Variants in SLC29A4 observed in about 807,000 individuals in gnomAD.
SLC29A4 encodes solute carrier family 29 member 4.
Under a neutral mutation model 43.9 loss-of-function variants are expected in SLC29A4, and 36 were observed. That is an observed-to-expected ratio of 0.82 (90% CI 0.63 to 1.08). The LOEUF (loss-of-function observed/expected upper bound fraction) is 1.08. Among genes scored for constraint, SLC29A4 ranks in the 50% least tolerant of loss-of-function variants. The pLI, the probability that SLC29A4 is intolerant of heterozygous loss-of-function variation, is 0.00. For synonymous variants in SLC29A4, 491 were observed against 338.0 expected (o/e 1.45, Z -4.97); for missense variants, 869 against 755.3 (o/e 1.15, Z -1.77).
At chr7:5,302,561 G>A (rs189890382) in intron 10 of SLC29A4, among the ~76,000 whole-genome samples, 22 of 152,124 alleles carry the variant, frequency 1.4e-4, no homozygotes, top group Non-Finnish European at 2.5e-4. Context: ...AAAAATGGGG[G>A]CTTGGGGGAC....
chr7:5,299,941 A>C (rs1786017649), intron 9 of SLC29A4, among the ~76,000 whole-genome samples: 2 of 152,224 alleles, frequency 1.3e-5, no homozygotes, highest in South Asian at 4.1e-4. Context: ...AATCGCAGCT[A>C]CTTGGGAAGC....
intron 2 of SLC29A4, among the ~76,000 whole-genome samples, chr7:5,288,582 G>A (rs767366697): frequency 1.3e-4 from 20 of 152,052 alleles, no homozygotes; most frequent in Non-Finnish European, 2.5e-4. Flanking sequence ...TTGAGCCACC[G>A]CGCCCGTCCG....
chr7:5,291,149 C>T lies in SLC29A4; in HGVS notation c.327C>T (p.Ser109=). Residue 109 remains serine (S), a synonymous_variant, in exon 4 of 11, where the codon AGC becomes AGT. Transcript: ENST00000396872. ...YPGTSIVFDM[S]LTYILVALAA... is the part of the protein sequence containing the mutation. ...GGACCTCCATCGTGTTTGACATGAG[C>T]CTCACCTACATCTTGGTGGCACTGG... The T allele has an allele frequency of 1.2e-6, 2 of 1,613,930 alleles. No individual in the cohort carries two copies. Among genetic ancestry groups the T allele is most frequent in the Non-Finnish European group, 1.7e-6 (2 of 1,180,028 alleles).
At chr7:5,283,638 G>C (rs1784789768) in intron 1 of SLC29A4, among the ~76,000 whole-genome samples, 1 of 152,210 alleles carries the variant, frequency 6.6e-6, no homozygotes, top group Non-Finnish European at 1.5e-5. Context: ...GCATGCATCG[G>C]TCCCCGGGGG....
rs184121021 is a variant in SLC29A4 at position 5,299,228 on chromosome 7, G to T, written c.1022-12G>T. ...TGGGCGCTGCCTCTGACCCCCGCCC[G>T]CCACCCTCCAGCCCTGTTACTGCAC... On this transcript the variant is annotated splice_polypyrimidine_tract_variant and intron_variant, in intron 8 of 10. Coordinates refer to ENST00000396872, the MANE Select transcript of SLC29A4 (RefSeq NM_153247.4). 6.2e-7 allele frequency: 1 copy of T among 1,606,322 alleles called. No individual in the cohort carries two copies. Among genetic ancestry groups the T allele is most frequent in the South Asian group, 1.1e-5 (1 of 90,620 alleles).
intron 1 of SLC29A4, among the ~76,000 whole-genome samples, chr7:5,287,284 G>A (rs1285125230): frequency 6.6e-6 from 1 of 152,180 alleles, no homozygotes; most frequent in Non-Finnish European, 1.5e-5. Context: ...CAGGCATGGT[G>A]TTTCGAACCT....
At position 5,299,406 on chromosome 7, in the gene SLC29A4, C is replaced by G; in HGVS notation, c.1188C>G (p.Asn396Lys). 1 of 1,611,894 alleles carries G rather than the reference C, an allele frequency of 6.2e-7. No individual in the cohort carries two copies. Among genetic ancestry groups the G allele is most frequent in the East Asian group, 2.2e-5 (1 of 44,876 alleles). Reference protein sequence around the residue: ...WLPILIMAVFNLSDFVGKILA... With the variant: ...WLPILIMAVFKLSDFVGKILA... ...CCATCCTCATCATGGCTGTGTTCAA[C>G]CTGTCAGACTTCGTGGGCAAGGTGG... Residue 396 changes from asparagine to lysine, a missense_variant, in exon 9 of 11, where the codon AAC becomes AAG. By Grantham distance (94) the Asn-to-Lys change is moderately conservative (BLOSUM62 0). Transcript: ENST00000396872.
chr7:5,301,818 C>A (rs1350092583), intron 10 of SLC29A4, among the ~76,000 whole-genome samples: 1 of 152,132 alleles, frequency 6.6e-6, no homozygotes, highest in African/African-American at 2.4e-5. Flanking sequence ...AAGGCTGGCA[C>A]TGGCACAGAC....
In SLC29A4 at chr7:5,297,119, G is replaced by T; in HGVS notation, c.803G>T (p.Ser268Ile). The T allele has an allele frequency of 6.2e-7, 1 of 1,606,696 alleles. No individual in the cohort carries two copies. Residue 268 changes from serine to isoleucine, a missense_variant, in exon 7 of 11, where the codon AGC becomes ATC. Ser to Ile is a moderately radical substitution (Grantham distance 142). Coordinates refer to ENST00000396872, the MANE Select transcript of SLC29A4 (RefSeq NM_153247.4). ...TTCTATACCACACGGCCGCGTGACA[G>T]CCACCGGGGCAGGCCAGGCCTGGGC... ...VLFYTTRPRDSHRGRPGLGRG... is the reference protein window; with the variant it reads ...VLFYTTRPRDIHRGRPGLGRG...
Position 5,304,202 on chromosome 7 carries a change from A to C in SLC29A4, c.*1263A>C, listed in dbSNP as rs1786367072. 6.6e-6 allele frequency: 1 copy of C among 152,428 alleles called. No homozygotes were observed. Among genetic ancestry groups the C allele is most frequent in the Non-Finnish European group, 1.5e-5 (1 of 68,224 alleles). The allele number at this position is 152,428 out of a possible 1,614,324, so 9.4% of individuals were successfully genotyped here. On this transcript the variant is annotated 3_prime_UTR_variant, in exon 11 of 11. Transcript: ENST00000396872. ...TGGGCCGGGTGGATCAGGGAGCAGG[A>C]GGGTGTCCTCACACTGGGTAGGCTT...
Position 5,302,791 on chromosome 7 carries a change from C to T in SLC29A4, c.1451-6C>T, listed in dbSNP as rs1485199020. 1 of 1,553,296 alleles carries T rather than the reference C, an allele frequency of 6.4e-7. No homozygotes were observed. The highest frequency in any genetic ancestry group is 1.2e-5 in the South Asian group (1 of 84,234). On this transcript the variant is annotated splice_polypyrimidine_tract_variant and splice_region_variant and intron_variant, in intron 10 of 10. Transcript: ENST00000396872. ...CCTGCTCCCCTCAGGCTGGTGTTGT[C>T]CACAGGGAACACCATGACCGTGTCC...
rs868853653 is a variant in SLC29A4 at position 5,282,970 on chromosome 7, G to C, written c.-121G>C. On this transcript the variant is annotated 5_prime_UTR_variant, in exon 1 of 11. Coordinates refer to ENST00000396872, the MANE Select transcript of SLC29A4 (RefSeq NM_153247.4). ...TGCTCGTCGCCGCGCTCGTGGACCGGGGCCGGGCGGACTCGGGGACCGGCG... is the reference window on the plus strand; with the variant it reads ...TGCTCGTCGCCGCGCTCGTGGACCGCGGCCGGGCGGACTCGGGGACCGGCG... 3.1e-4 allele frequency: 42 copies of C among 133,908 alleles called. No homozygotes were observed. Among genetic ancestry groups the C allele is most frequent in the African/African-American group, 1.1e-3 (41 of 36,910 alleles). The allele number at this position is 133,908 out of a possible 1,614,324, so 8.3% of individuals were successfully genotyped here.
rs1562454789 is a variant in SLC29A4, at chr7:5,299,433, C to G, written c.1209+6C>G. On this transcript the variant is annotated splice_donor_region_variant and intron_variant, in intron 9 of 10. Transcript: ENST00000396872. ...TGTCAGACTTCGTGGGCAAGGTGGG[C>G]TGCCTGCCCTGCCCGGTGTCGGGGG... 6.2e-7 allele frequency: 1 copy of G among 1,608,006 alleles called. No homozygotes were observed. The highest frequency in any genetic ancestry group is 8.5e-7 in the Non-Finnish European group (1 of 1,177,272).
At chr7:5,300,764 C>T in intron 10 of SLC29A4, 102 bp downstream of exon 10, 2 of 1,467,422 alleles carry the variant, frequency 1.4e-6, no homozygotes, top group Non-Finnish European at 1.8e-6. Flanking sequence ...CATTTGGGTT[C>T]CGGGGGTTCA....
intron 7 of SLC29A4, 117 bp downstream of exon 7, chr7:5,297,315 C>A (rs1224376340): frequency 2.4e-6 from 3 of 1,228,060 alleles, no homozygotes; most frequent in South Asian, 1.6e-5. Context: ...GTGGTCTCCT[C>A]CTGTGGTGGA....
At position 5,291,763 on chromosome 7, in the gene SLC29A4, G is replaced by A. The variant is rs141605536; in HGVS notation, c.486G>A (p.Arg162=). The A allele has an allele frequency of 1.2e-6, 2 of 1,611,842 alleles. No individual in the cohort carries two copies. Among genetic ancestry groups the A allele is most frequent in the African/African-American group, 1.3e-5 (1 of 74,854 alleles). ...ACGTGTGGCTGCAGCTCTTCTCTCG[G>A]GACCAGGCCTACGCCATCAACCTGG... ...ICDVWLQLFS[R]DQAYAINLAA... The change falls in exon 5 of 11, where the codon CGG becomes CGA. Residue 162 remains arginine (R), a synonymous_variant. Transcript: ENST00000396872.
At chr7:5,296,577 T>C (rs55693146) in intron 6 of SLC29A4, among the ~76,000 whole-genome samples, 7,547 of 15,906 alleles carry the variant, frequency 0.47, 1,783 homozygotes, top group Admixed American at 0.53. Context: ...CTGGGTGGGG[T>C]CAAGCTGAGT....
At chr7:5,302,375 A>C (rs951069756) in intron 10 of SLC29A4, among the ~76,000 whole-genome samples, 1 of 152,152 alleles carries the variant, frequency 6.6e-6, no homozygotes, top group East Asian at 1.9e-4. Context: ...CGGAGTCTCT[A>C]CAAAAAAATT....
rs541277517 is a variant in SLC29A4, at chr7:5,297,576, G to C, written c.882+378G>C. 5.3e-5 allele frequency among the ~76,000 whole-genome samples: 8 copies of C among 152,352 alleles called. No individual in the cohort carries two copies. The East Asian group carries it at 9.7e-4, about 18-fold the overall frequency. ...TCTGAGGGTCTCAGCCCTCCTGGCT[G>C]CGCCAACCCACGTTGGAGAGTCCTC... On this transcript the variant is annotated intron_variant, in intron 7 of 10. Transcript: ENST00000396872.
Sources: allele counts gnomAD v4.1 joint callset (sites outside exome capture counted in the v4.1 genomes callset), GRCh38; gene constraint gnomAD v4.1.1; transcripts MANE v1.5; gene names NCBI Gene and HGNC (gene_info 2026-07-23, HGNC 2026-07-21).